The following NANOS3 variants were observed in gnomAD, a reference collection of about 807,000 sequenced individuals.
NANOS3 encodes nanos homolog 3.
In NANOS3, 11 loss-of-function variants were observed where a neutral mutation model predicts 13.8. The ratio of observed to expected loss-of-function variants is 0.80; its 90% CI spans 0.50 to 1.32. The LOEUF (loss-of-function observed/expected upper bound fraction) is 1.32, where lower values mean the gene tolerates loss of function less well. Among genes scored for constraint, NANOS3 ranks in the 40% most tolerant of loss-of-function variants. The probability of loss-of-function intolerance (pLI) is 0.00; values close to 1 mark genes in which losing one functional copy is unlikely to be tolerated. For missense variants in NANOS3, 221 were observed against 263.8 expected (o/e 0.84, Z 1.12); for synonymous variants, 119 against 115.4 (o/e 1.03, Z -0.20).
chr19:13,875,029 A>G (rs767594285), upstream of NANOS3: 1 of 447,118 alleles, frequency 2.2e-6, no homozygotes, highest in Admixed American at 2.5e-5. Flanking sequence ...AGGACCCCCC[A>G]CCGCCACAGT....
At chr19:13,874,633 TCTC>T, upstream of NANOS3, 8 of 497,596 alleles carry the variant, frequency 1.6e-5, no homozygotes, top group Admixed American at 4.0e-5. Flanking sequence ...TTCCTTACTC[TCTC>T]CTCCTCTCCC....
upstream of NANOS3, among the ~76,000 whole-genome samples, chr19:13,863,743 T>G (rs1011596913): frequency 4.6e-5 from 7 of 152,174 alleles, no homozygotes; most frequent in African/African-American, 1.7e-4. Context: ...CTCTAACCTT[T>G]GGTGGGGTTG....
intron 1 of NANOS3, among the ~76,000 whole-genome samples, chr19:13,866,628 A>T (rs1209183004): frequency 6.6e-6 from 1 of 152,260 alleles, no homozygotes; most frequent in African/African-American, 2.4e-5. Context: ...AAATGGAGCC[A>T]CCAACGAAGG....
In NANOS3 at chr19:13,877,383, C is replaced by T. The variant is rs201495252; in HGVS notation, c.135C>T (p.Ala45=). The T allele has an allele frequency of 1.1e-5, 18 of 1,597,184 alleles. No homozygotes were observed. The Admixed American group carries it at 2.2e-4, about 20-fold the overall frequency. ...AGCCAATGCTGGAGCCGGTGTCAGCCCTGGAGCCGATGCCAGCGCCGGAGT... is the reference window on the plus strand; with the variant it reads ...AGCCAATGCTGGAGCCGGTGTCAGCTCTGGAGCCGATGCCAGCGCCGGAGT... The part of the protein sequence containing the change: ...EPEPMLEPVS[A]LEPMPAPESV... Residue 45 remains alanine, a synonymous_variant, in exon 1 of 2, where the codon GCC becomes GCT. Coordinates refer to ENST00000339133, the MANE Select transcript of NANOS3 (RefSeq NM_001098622.3).
rs564051752 is a variant in NANOS3, at chr19:13,865,684, G to A, written n.21+247G>A. Among the ~76,000 whole-genome samples the A allele has an allele frequency of 6.0e-4, 91 of 151,006 alleles. 1 individual carries two copies. In the East Asian group the frequency reaches 0.015, roughly 25 times the overall value. ...CCGGAGAGGGGGCGCCGGGAGGGTC[G>A]GACTCTGCAAAGGGGACAGACCCCC... On this transcript the variant is annotated intron_variant and non_coding_transcript_variant, in intron 1 of 2. Transcript: ENST00000591161.
intron 1 of NANOS3, among the ~76,000 whole-genome samples, chr19:13,870,357 G>A (rs959877080): frequency 4.0e-5 from 6 of 151,618 alleles, no homozygotes; most frequent in African/African-American, 1.2e-4. Flanking sequence ...GTGGGATGAC[G>A]GGCATGAGCC....
intron 1 of NANOS3, among the ~76,000 whole-genome samples, chr19:13,879,694 C>T (rs1010881616): frequency 6.6e-6 from 1 of 151,352 alleles, no homozygotes; most frequent in Non-Finnish European, 1.5e-5. Context: ...TGCCACTGCA[C>T]TGCAGCCTGG....
chr19:13,869,582 A>G (rs1228515252), intron 1 of NANOS3, among the ~76,000 whole-genome samples: 5 of 151,936 alleles, frequency 3.3e-5, no homozygotes, highest in African/African-American at 7.3e-5. Context: ...CCACGCAGGT[A>G]TCACTGAAAC....
chr19:13,867,437 G>T (rs978052286), intron 1 of NANOS3, among the ~76,000 whole-genome samples: 6 of 151,978 alleles, frequency 3.9e-5, no homozygotes, highest in Non-Finnish European at 7.4e-5. Flanking sequence ...GGTAATTTTT[G>T]TATTTTTTGT....
upstream of NANOS3, among the ~76,000 whole-genome samples, chr19:13,872,654 G>A (rs1004899581): frequency 6.6e-6 from 1 of 152,234 alleles, no homozygotes; most frequent in Non-Finnish European, 1.5e-5. Flanking sequence ...TCCTTAGAAT[G>A]ATGATCCACA....
upstream of NANOS3, among the ~76,000 whole-genome samples, chr19:13,874,453 T>G (rs1968468277): frequency 6.6e-6 from 1 of 152,160 alleles, no homozygotes; most frequent in South Asian, 2.1e-4. Flanking sequence ...CTTTGTGAAT[T>G]ACTTAAGGAG....
chr19:13,873,419 G>A (rs1351242402), upstream of NANOS3, among the ~76,000 whole-genome samples: 1 of 152,002 alleles, frequency 6.6e-6, no homozygotes, highest in Non-Finnish European at 1.5e-5. Flanking sequence ...ATGCCAGGCG[G>A]TTATTTTGGG....
At chr19:13,870,154 CCGTCAGCCTCGACTTCCCTGGCTTG>C (rs1976304790) in intron 1 of NANOS3, among the ~76,000 whole-genome samples, 1 of 151,892 alleles carries the variant, frequency 6.6e-6, no homozygotes, top group South Asian at 2.1e-4. Context: ...TCCCTGGCTT[CCGTCAGCCTCGACTTCCCTGGCTTG>C]CGTGATCCTC....
upstream of NANOS3, among the ~76,000 whole-genome samples, chr19:13,873,860 G>A (rs1276020384): frequency 2.0e-5 from 3 of 151,740 alleles, no homozygotes; most frequent in Non-Finnish European, 4.4e-5. Flanking sequence ...CTTGGCTTGC[G>A]GGGGGTGGGA....
At position 13,880,719 on chromosome 19, in the gene NANOS3, G is replaced by T; in HGVS notation, c.*216G>T. On this transcript the variant is annotated 3_prime_UTR_variant, in exon 2 of 2. Transcript: ENST00000339133. ...CCGTTTCCCTAGTGCTGGGCATCCA[G>T]TCAGCCCTCAATAAATGCTTATGAA... 1 of 579,286 alleles carries T rather than the reference G, an allele frequency of 1.7e-6. No individual in the cohort carries two copies. Among genetic ancestry groups the T allele is most frequent in the South Asian group, 2.2e-5 (1 of 46,140 alleles). 35.9% of individuals were successfully genotyped at this position (579,286 alleles called of 1,614,324 possible).
chr19:13,874,137 A>G (rs549414032), upstream of NANOS3, among the ~76,000 whole-genome samples: 2 of 152,170 alleles, frequency 1.3e-5, no homozygotes, highest in African/African-American at 4.8e-5. Context: ...TCCCCTGTCT[A>G]GTGGGGCCCC....
At chr19:13,870,394 C>T (rs1352880211) in intron 1 of NANOS3, among the ~76,000 whole-genome samples, 1 of 151,784 alleles carries the variant, frequency 6.6e-6, no homozygotes, top group African/African-American at 2.4e-5. Context: ...TGTTCTTCAG[C>T]TTGACGGTAG....
intron 1 of NANOS3, among the ~76,000 whole-genome samples, chr19:13,878,537 C>T (rs1395360165): frequency 3.9e-5 from 6 of 151,928 alleles, no homozygotes; most frequent in South Asian, 4.2e-4. Context: ...ACATCTGGCC[C>T]GCAGGGTTAT....
chr19:13,862,492 G>A (rs1271532544), upstream of NANOS3, among the ~76,000 whole-genome samples: 2 of 152,168 alleles, frequency 1.3e-5, no homozygotes, highest in African/African-American at 2.4e-5. Flanking sequence ...GAAGAGACGG[G>A]GGGAAAGGCC....
Sources: gnomAD v4.1 joint callset for allele counts (sites outside exome capture counted in the v4.1 genomes callset) on GRCh38, gnomAD v4.1.1 for gene constraint, MANE v1.5 for transcripts, NCBI Gene and HGNC (gene_info 2026-07-23, HGNC 2026-07-21) for gene names.